Variants in ZNF385C observed in about 807,000 individuals in gnomAD.
The protein encoded by ZNF385C is CTD-2132N18.2.
A neutral mutation model predicts 35.4 loss-of-function variants in ZNF385C; 28 were observed. The ratio of observed to expected loss-of-function variants is 0.79; its 90% CI spans 0.59 to 1.08. The LOEUF is 1.08. Ranked by LOEUF, ZNF385C falls within the 50% of genes least tolerant of loss-of-function variation. The pLI is 0.00. For missense variants in ZNF385C, 605 were observed against 595.6 expected (o/e 1.02, Z -0.16); for synonymous variants, 248 against 248.2 (o/e 1.00, Z 0.01).
At chr17:42,077,637 C>T (rs1471910331) in intron 1 of ZNF385C, among the ~76,000 whole-genome samples, 1 of 152,166 alleles carries the variant, frequency 6.6e-6, no homozygotes, top group Non-Finnish European at 1.5e-5. Context: ...AAGCCTGTAA[C>T]AAAGGGACTC....
At chr17:42,073,537 G>T (rs535499420) in intron 1 of ZNF385C, among the ~76,000 whole-genome samples, 4 of 152,334 alleles carry the variant, frequency 2.6e-5, no homozygotes, top group African/African-American at 9.6e-5. Flanking sequence ...TGTCTCTGGA[G>T]GTCAGGGGAG....
chr17:42,047,549 T>C (rs2053192103), intron 2 of ZNF385C, among the ~76,000 whole-genome samples: 1 of 152,038 alleles, frequency 6.6e-6, no homozygotes, highest in Non-Finnish European at 1.5e-5. Flanking sequence ...AACCAGCACA[T>C]AGTAGGTGGG....
At chr17:42,092,396 T>C (rs1268181615) in intron 1 of ZNF385C, among the ~76,000 whole-genome samples, 1 of 151,534 alleles carries the variant, frequency 6.6e-6, no homozygotes, top group Non-Finnish European at 1.5e-5. Context: ...GCAAGCGAGA[T>C]TCGTGTCAAA....
At chr17:42,054,698 C>T (rs1432302796) in intron 2 of ZNF385C, among the ~76,000 whole-genome samples, 1 of 151,950 alleles carries the variant, frequency 6.6e-6, no homozygotes, top group Non-Finnish European at 1.5e-5. Flanking sequence ...TCTCCTGCCT[C>T]AGCCTCCAGA....
chr17:42,090,645 A>G (rs1555660454), intron 1 of ZNF385C, among the ~76,000 whole-genome samples: 1 of 151,614 alleles, frequency 6.6e-6, no homozygotes, highest in Non-Finnish European at 1.5e-5. Flanking sequence ...CTGTAATCCC[A>G]GCACTTTGGG....
chr17:42,032,128 T>C (rs2052744598), intron 4 of ZNF385C, among the ~76,000 whole-genome samples: 1 of 152,094 alleles, frequency 6.6e-6, no homozygotes, highest in African/African-American at 2.4e-5. Context: ...TGGCGCCATC[T>C]CAGCTCACTG....
intron 4 of ZNF385C, among the ~76,000 whole-genome samples, chr17:42,033,724 G>A (rs1026020203): frequency 4.6e-5 from 7 of 152,158 alleles, no homozygotes; most frequent in South Asian, 4.1e-4. Flanking sequence ...CTGCACTCCC[G>A]CCTGGGTGAC....
At chr17:42,049,141 G>A (rs144754858) in intron 2 of ZNF385C, among the ~76,000 whole-genome samples, 2 of 152,062 alleles carry the variant, frequency 1.3e-5, no homozygotes, top group Non-Finnish European at 1.5e-5. Context: ...CCCATCCCCC[G>A]GGTCCTTTGC....
rs1273482650 is a variant in ZNF385C, at chr17:42,095,301, G to C, written c.-3+3109C>G. On this transcript the variant is annotated intron_variant, in intron 1 of 8. Transcript: ENST00000692273. This position sits in a 1 kb window ranked among gnomAD's most constrained non-coding sequence, Gnocchi z 4.4. Reference sequence around the variant, plus strand: ...CAGCGTACCATTCATTCCCGCTGGGGATGACCCCCGCCGCCTGGCCAGCTG... The same window carrying C: ...CAGCGTACCATTCATTCCCGCTGGGCATGACCCCCGCCGCCTGGCCAGCTG... Among the ~76,000 whole-genome samples the C allele has an allele frequency of 6.6e-6, 1 of 152,174 alleles. No individual in the cohort carries two copies. The highest frequency in any genetic ancestry group is 1.5e-5 in the Non-Finnish European group (1 of 68,030).
chr17:42,027,720 G>A lies in ZNF385C; in HGVS notation c.1173C>T (p.Ser391=). 1 of 1,612,436 alleles carries A rather than the reference G, an allele frequency of 6.2e-7. No individual in the cohort carries two copies. The highest frequency in any genetic ancestry group is 1.1e-5 in the South Asian group (1 of 90,976). ...NSETQLKQHM[S]SRRHKDRLAG... ...CCAGGCGGTCTTTGTGCCTCCTGCT[G>A]CTCATGTGCTAATGGACAGACAGAC... Residue 391 remains serine (S), a synonymous_variant, in exon 8 of 9, where the codon AGC becomes AGT. Transcript: ENST00000692273.
chr17:42,091,072 A>G (rs751057984), intron 1 of ZNF385C, among the ~76,000 whole-genome samples: 2 of 152,150 alleles, frequency 1.3e-5, no homozygotes, highest in Non-Finnish European at 2.9e-5. Flanking sequence ...GGGCTGGGAC[A>G]GGGTAGAGAC....
intron 8 of ZNF385C, 88 bp downstream of exon 8, chr17:42,027,530 G>C (rs1287322254): frequency 1.2e-5 from 14 of 1,175,706 alleles, no homozygotes; most frequent in Non-Finnish European, 1.6e-5. Flanking sequence ...CTCTTTTCCT[G>C]CCCCACCGCA....
chr17:42,028,691 G>A (rs954732905), intron 6 of ZNF385C, 92 bp downstream of exon 6: 35 of 1,440,670 alleles, frequency 2.4e-5, no homozygotes, highest in East Asian at 2.0e-4. Flanking sequence ...ACCCTTGAGC[G>A]AAGCACCCAG....
rs868985521 is a variant in ZNF385C, at chr17:42,050,712, G to C, written c.250+12095C>G. The C allele has an allele frequency of 6.6e-6, 1 of 150,438 alleles. No individual in the cohort carries two copies. Among genetic ancestry groups the C allele is most frequent in the African/African-American group, 2.4e-5 (1 of 41,144 alleles). The allele number at this position is 150,438 out of a possible 1,614,324, so 9.3% of individuals were successfully genotyped here. A position where few individuals can be genotyped will look rare whatever the true frequency, so the allele number is the denominator to read the frequency against. On this transcript the variant is annotated intron_variant, in intron 2 of 8. Transcript: ENST00000692273. This position sits in a 1 kb window ranked among gnomAD's most constrained non-coding sequence, Gnocchi z 5.6. Reference sequence around the variant, plus strand: ...CCGGGCAGGGCGGGCGGCGCCCCCGGGGCTCACCTGGCCGCGCCCACCTGC... The same window carrying C: ...CCGGGCAGGGCGGGCGGCGCCCCCGCGGCTCACCTGGCCGCGCCCACCTGC...
intron 2 of ZNF385C, among the ~76,000 whole-genome samples, chr17:42,054,513 A>G (rs2053340912): frequency 6.6e-6 from 1 of 150,854 alleles, no homozygotes; most frequent in African/African-American, 2.4e-5. Context: ...TAGTACCTGG[A>G]CCCTTGGATC....
At chr17:42,074,074 C>T (rs1032145139) in intron 1 of ZNF385C, among the ~76,000 whole-genome samples, 2 of 152,220 alleles carry the variant, frequency 1.3e-5, no homozygotes, top group Non-Finnish European at 2.9e-5. Flanking sequence ...TCAAATGTTA[C>T]CTCCCCAGGA....
intron 2 of ZNF385C, among the ~76,000 whole-genome samples, chr17:42,057,449 C>T (rs1351048840): frequency 2.0e-5 from 3 of 151,896 alleles, no homozygotes; most frequent in Non-Finnish European, 4.4e-5. Flanking sequence ...CAGCAAACCT[C>T]TGTCTCTTTG....
intron 5 of ZNF385C, among the ~76,000 whole-genome samples, chr17:42,029,587 G>A (rs2052680109): frequency 6.6e-6 from 1 of 152,198 alleles, no homozygotes; most frequent in Non-Finnish European, 1.5e-5. Flanking sequence ...GGTGGCACAT[G>A]CCTATAATCC....
At chr17:42,069,398 C>T (rs1169048663) in intron 1 of ZNF385C, among the ~76,000 whole-genome samples, 3 of 152,124 alleles carry the variant, frequency 2.0e-5, no homozygotes, top group African/African-American at 7.2e-5. Flanking sequence ...TGATGAGATT[C>T]CCTGCCTGTC....
Sources: allele counts gnomAD v4.1 joint callset (sites outside exome capture counted in the v4.1 genomes callset), GRCh38; gene constraint gnomAD v4.1.1; non-coding constraint Gnocchi (gnomAD v3.1); transcripts MANE v1.5; gene names NCBI Gene and HGNC (gene_info 2026-07-23, HGNC 2026-07-21).